The following AP3B1 variants were observed in gnomAD, a reference collection of about 807,000 sequenced individuals.
The protein encoded by AP3B1 is adaptor related protein complex 3 subunit beta 1.
A neutral mutation model predicts 132.5 loss-of-function variants in AP3B1; 61 were observed. The ratio of observed to expected loss-of-function variants is 0.46; its 90% CI spans 0.37 to 0.57. The LOEUF (loss-of-function observed/expected upper bound fraction) is 0.57, where lower values mean the gene tolerates loss of function less well. AP3B1 is among the 20% of genes least tolerant of loss of function. The probability of loss-of-function intolerance (pLI) is 0.00; values close to 1 mark genes in which losing one functional copy is unlikely to be tolerated. For synonymous variants in AP3B1, 388 were observed against 438.3 expected (o/e 0.89, Z 1.43); for missense variants, 1,120 against 1,289.4 (o/e 0.87, Z 2.01).
intron 15 of AP3B1, among the ~76,000 whole-genome samples, chr5:78,138,416 G>T (rs980792410): frequency 6.6e-6 from 1 of 151,668 alleles, no homozygotes; most frequent in African/African-American, 2.4e-5. Context: ...GCAGTGAGTC[G>T]AGATCACGCC....
At chr5:78,063,801 T>C (rs949132903) in intron 22 of AP3B1, among the ~76,000 whole-genome samples, 1 of 152,208 alleles carries the variant, frequency 6.6e-6, no homozygotes, top group African/African-American at 2.4e-5. Flanking sequence ...CTTGGATCAA[T>C]GAGGTTAAAG....
intron 7 of AP3B1, among the ~76,000 whole-genome samples, chr5:78,191,193 G>A (rs1005241805): frequency 4.0e-5 from 6 of 151,774 alleles, no homozygotes; most frequent in African/African-American, 1.5e-4. Context: ...TAGAACAACC[G>A]CCTGTCAGTG....
chr5:78,098,877 T>G (rs1751012859), intron 21 of AP3B1, among the ~76,000 whole-genome samples: 1 of 152,070 alleles, frequency 6.6e-6, no homozygotes, highest in Admixed American at 6.5e-5. Context: ...TTAAGGTAAT[T>G]TCAGATAGTG....
At chr5:78,188,089 G>A (rs1580461271) in intron 7 of AP3B1, among the ~76,000 whole-genome samples, 2 of 152,180 alleles carry the variant, frequency 1.3e-5, no homozygotes, top group African/African-American at 2.4e-5. Flanking sequence ...AACTCAAGAT[G>A]CATTAAAGAC....
chr5:78,152,844 T>C (rs1242049804), intron 14 of AP3B1, among the ~76,000 whole-genome samples: 3 of 152,228 alleles, frequency 2.0e-5, no homozygotes, highest in African/African-American at 7.2e-5. Flanking sequence ...CATATGTTTA[T>C]ATTGTTTGAA....
chr5:78,271,889 C>A (rs1748559166), intron 1 of AP3B1, among the ~76,000 whole-genome samples: 1 of 152,140 alleles, frequency 6.6e-6, no homozygotes, highest in Non-Finnish European at 1.5e-5. Flanking sequence ...ATTTTTGAAC[C>A]GGCCCTGCAA....
At chr5:78,210,078 G>A (rs1310111773) in intron 7 of AP3B1, among the ~76,000 whole-genome samples, 1 of 152,102 alleles carries the variant, frequency 6.6e-6, no homozygotes. Flanking sequence ...ACTTAAAACA[G>A]TGCACAAAAA....
chr5:78,161,361 G>C (rs1229376830), intron 13 of AP3B1, among the ~76,000 whole-genome samples: 1 of 151,842 alleles, frequency 6.6e-6, no homozygotes, highest in Non-Finnish European at 1.5e-5. Flanking sequence ...CTAATTTCCG[G>C]TGCTTTCTGT....
rs188898700 is a variant in AP3B1, at chr5:78,136,077, A to G, written c.1650+5066T>C. The stretch of plus-strand genomic sequence containing the variant: ...TACTTAGAAAATCTCAGTAGGATAA[A>G]CCCAAATCAGTAGTTTTTTTTCCTA... On this transcript the variant is annotated intron_variant, in intron 15 of 26. Transcript: ENST00000255194. Among the ~76,000 whole-genome samples, 6 of 152,106 alleles carry G rather than the reference A, an allele frequency of 3.9e-5. No individual in the cohort carries two copies. The East Asian group carries it at 1.2e-3, about 29-fold the overall frequency.
chr5:78,269,783 T>C (rs1196958178), intron 1 of AP3B1, among the ~76,000 whole-genome samples: 3 of 152,216 alleles, frequency 2.0e-5, no homozygotes, highest in African/African-American at 4.8e-5. Context: ...AATAAGCACA[T>C]TGAGAACCGT....
At chr5:78,005,562 G>A (rs1247835399) in intron 26 of AP3B1, among the ~76,000 whole-genome samples, 5 of 152,174 alleles carry the variant, frequency 3.3e-5, no homozygotes, top group African/African-American at 1.2e-4. Context: ...CGCTGCAATG[G>A]AAACACACTA....
intron 6 of AP3B1, among the ~76,000 whole-genome samples, chr5:78,220,921 T>C (rs768374967): frequency 2.6e-5 from 4 of 152,036 alleles, no homozygotes; most frequent in Non-Finnish European, 4.4e-5. Context: ...TGGTGGTGCA[T>C]GTCTATAGTC....
At chr5:78,124,812 T>C (rs558048363) in intron 17 of AP3B1, among the ~76,000 whole-genome samples, 18 of 152,278 alleles carry the variant, frequency 1.2e-4, no homozygotes, top group African/African-American at 3.6e-4. Context: ...CCAAACATAT[T>C]TCTCTGAGGT....
chr5:78,281,243 T>C (rs1458151208), intron 1 of AP3B1, among the ~76,000 whole-genome samples: 1 of 152,144 alleles, frequency 6.6e-6, no homozygotes, highest in Non-Finnish European at 1.5e-5. Flanking sequence ...GAGACCATCC[T>C]GACCAACATG....
At chr5:78,262,448 T>C (rs1748133967) in intron 2 of AP3B1, among the ~76,000 whole-genome samples, 1 of 152,198 alleles carries the variant, frequency 6.6e-6, no homozygotes, top group Non-Finnish European at 1.5e-5. Context: ...TGCATATATA[T>C]ATAATCCAGT....
chr5:78,080,400 T>C (rs553845791), intron 22 of AP3B1, among the ~76,000 whole-genome samples: 3 of 152,248 alleles, frequency 2.0e-5, no homozygotes, highest in African/African-American at 4.8e-5. Context: ...CCATTGTATA[T>C]GCATGCCACA....
intron 13 of AP3B1, among the ~76,000 whole-genome samples, chr5:78,158,778 C>A (rs1407944067): frequency 1.3e-5 from 2 of 151,866 alleles, no homozygotes; most frequent in East Asian, 3.9e-4. Context: ...CTCACTGCAA[C>A]CTCCACTTCC....
At chr5:78,278,627 G>GAAAAAAA (rs1561217276) in intron 1 of AP3B1, among the ~76,000 whole-genome samples, 29 of 30,486 alleles carry the variant, frequency 9.5e-4, no homozygotes, top group African/African-American at 2.2e-3. Flanking sequence ...AAAAAAAAAG[G>GAAAAAAA]GGGGGGGGGA....
chr5:78,135,082 G>A (rs1752855723), intron 15 of AP3B1, among the ~76,000 whole-genome samples: 1 of 152,086 alleles, frequency 6.6e-6, no homozygotes, highest in South Asian at 2.1e-4. Flanking sequence ...AGGCTTTGGG[G>A]GAAGGAGATT....
Sources: gnomAD v4.1 joint callset for allele counts (sites outside exome capture counted in the v4.1 genomes callset) on GRCh38, gnomAD v4.1.1 for gene constraint, MANE v1.5 for transcripts, NCBI Gene and HGNC (gene_info 2026-07-23, HGNC 2026-07-21) for gene names.